Variants in RARB observed in about 807,000 individuals in gnomAD.
The protein encoded by RARB is retinoic acid receptor beta.
Under a neutral mutation model 51.9 loss-of-function variants are expected in RARB, and 17 were observed. The observed-to-expected ratio is 0.33, with a 90% CI of 0.22 to 0.49. The LOEUF (loss-of-function observed/expected upper bound fraction) is 0.49. RARB is among the 20% of genes least tolerant of loss of function. The pLI is 0.99. For synonymous variants in RARB, 215 were observed against 195.4 expected, an observed-to-expected ratio of 1.10 and a Z score of -0.84; for missense variants, 369 against 550.8, an observed-to-expected ratio of 0.67 and a Z score of 3.30.
At chr3:24,845,400 A>G (rs1345293410) in intron 1 of RARB, among the ~76,000 whole-genome samples, 1 of 152,224 alleles carries the variant, frequency 6.6e-6, no homozygotes. Flanking sequence ...GGGACCCAGG[A>G]TAACAAAGGC....
In RARB at chr3:24,886,740, G is replaced by T. The variant is rs958964781; in HGVS notation, c.-380+27988G>T. Among the ~76,000 whole-genome samples the T allele has an allele frequency of 2.6e-5, 4 of 152,038 alleles. No individual in the cohort carries two copies. In the East Asian group the frequency reaches 7.7e-4, roughly 29 times the overall value. Reference sequence around the variant, plus strand: ...CATGACCCACCGCGCCTAACCTGTAGATGAAACTTGATACTCCTAGGGCAA... The same window carrying T: ...CATGACCCACCGCGCCTAACCTGTATATGAAACTTGATACTCCTAGGGCAA... On this transcript the variant is annotated intron_variant, in intron 2 of 11. Transcript: ENST00000383772.
chr3:25,095,520 G>T (rs1699278434), intron 3 of RARB, among the ~76,000 whole-genome samples: 1 of 152,156 alleles, frequency 6.6e-6, no homozygotes, highest in African/African-American at 2.4e-5. Context: ...CCTCCCAACA[G>T]GTTTATGATG....
chr3:25,242,829 T>C (rs1702465587), intron 5 of RARB, among the ~76,000 whole-genome samples: 1 of 152,216 alleles, frequency 6.6e-6, no homozygotes, highest in South Asian at 2.1e-4. Context: ...AAGAAGTTTT[T>C]TCCAATTTTA....
chr3:24,854,856 G>T (rs1375642940), intron 1 of RARB, among the ~76,000 whole-genome samples: 1 of 152,138 alleles, frequency 6.6e-6, no homozygotes, highest in African/African-American at 2.4e-5. Context: ...GTGCCTTATG[G>T]CAAGGCTGCT....
rs1288349774 is a variant in RARB at position 25,392,130 on chromosome 3, C to T, written c.179-69063C>T. Among the ~76,000 whole-genome samples the T allele has an allele frequency of 7.9e-5, 12 of 152,144 alleles. 1 individual carries two copies. Among genetic ancestry groups the T allele is most frequent in the Admixed American group, 7.2e-4 (11 of 15,270 alleles). Reference sequence around the variant, plus strand: ...ATGTGGCTTGCCAATTTTCTTAGCACCATTTGATGAATAGGGTGTCCTTTC... The same window carrying T: ...ATGTGGCTTGCCAATTTTCTTAGCATCATTTGATGAATAGGGTGTCCTTTC... On this transcript the variant is annotated intron_variant, in intron 5 of 11. Coordinates refer to the RARB transcript ENST00000383772.
At chr3:25,196,082 C>A (rs1487200145) in intron 5 of RARB, among the ~76,000 whole-genome samples, 1 of 151,718 alleles carries the variant, frequency 6.6e-6, no homozygotes, top group Non-Finnish European at 1.5e-5. Flanking sequence ...AATTTTTTTA[C>A]TTTTATTCTT....
At chr3:25,353,901 G>A (rs1376484359) in intron 5 of RARB, among the ~76,000 whole-genome samples, 1 of 152,078 alleles carries the variant, frequency 6.6e-6, no homozygotes, top group Non-Finnish European at 1.5e-5. Context: ...TCTAAGGAGA[G>A]AGAACAAGAG....
At chr3:24,986,241 T>C (rs1256253791) in intron 2 of RARB, among the ~76,000 whole-genome samples, 2 of 152,232 alleles carry the variant, frequency 1.3e-5, no homozygotes, top group Non-Finnish European at 2.9e-5. Context: ...TTTAAAATTA[T>C]ACAGAACATG....
intron 1 of RARB, among the ~76,000 whole-genome samples, chr3:24,848,427 A>T (rs1254120956): frequency 6.6e-6 from 1 of 152,196 alleles, no homozygotes; most frequent in Non-Finnish European, 1.5e-5. Flanking sequence ...TTTTTTAAAT[A>T]CAAAGATAGG....
intron 3 of RARB, among the ~76,000 whole-genome samples, chr3:25,552,782 A>G (rs1699901503): frequency 6.6e-6 from 1 of 152,234 alleles, no homozygotes; most frequent in Non-Finnish European, 1.5e-5. Context: ...GTTTACTACA[A>G]AATAATCTTG....
intron 5 of RARB, among the ~76,000 whole-genome samples, chr3:25,204,305 T>A (rs1200143727): frequency 6.6e-6 from 1 of 152,200 alleles, no homozygotes; most frequent in Non-Finnish European, 1.5e-5. Context: ...TCTGCATTGA[T>A]TGTTCTAGTT....
chr3:25,538,965 A>G (rs146787544), intron 3 of RARB, among the ~76,000 whole-genome samples: 214 of 152,354 alleles, frequency 1.4e-3, no homozygotes, highest in African/African-American at 5.0e-3. Flanking sequence ...ATCACAGACA[A>G]GTTGAAGCAA....
At chr3:25,324,720 C>T (rs1704665155) in intron 5 of RARB, 1 of 153,398 alleles carries the variant, frequency 6.5e-6, no homozygotes, top group Admixed American at 6.5e-5. Flanking sequence ...TCCATGCTGC[C>T]CTATTCCTAA....
chr3:25,175,825 T>C (rs1700732992), intron 5 of RARB, among the ~76,000 whole-genome samples: 1 of 152,096 alleles, frequency 6.6e-6, no homozygotes, highest in African/African-American at 2.4e-5. Flanking sequence ...CCTAAAAACC[T>C]CCTCCCATGC....
In RARB at chr3:25,566,819, T is replaced by C. The variant is rs540025216; in HGVS notation, c.449-2939T>C. Among the ~76,000 whole-genome samples the C allele has an allele frequency of 5.3e-5, 8 of 152,330 alleles. No homozygotes were observed. The East Asian group carries it at 1.5e-3, about 29-fold the overall frequency. On this transcript the variant is annotated intron_variant, in intron 3 of 7. Coordinates refer to ENST00000330688, the MANE Select transcript of RARB (RefSeq NM_000965.5). The stretch of plus-strand genomic sequence containing the variant: ...TATGGGGACTCCTTCTGTGGGTTGT[T>C]AGTTTGTTTTGTGGTTTCTCTTTCT...
At chr3:25,512,917 TG>T (rs1315695600) in intron 3 of RARB, among the ~76,000 whole-genome samples, 1 of 151,998 alleles carries the variant, frequency 6.6e-6, no homozygotes, top group African/African-American at 2.4e-5. Flanking sequence ...AGAACAAGTA[TG>T]GAGTTTGGTT....
At chr3:25,227,222 A>G (rs561679666) in intron 5 of RARB, among the ~76,000 whole-genome samples, 2 of 152,324 alleles carry the variant, frequency 1.3e-5, no homozygotes, top group Admixed American at 6.5e-5. Flanking sequence ...TAAATTAATA[A>G]AAGTCTGAAT....
intron 4 of RARB, among the ~76,000 whole-genome samples, chr3:25,157,315 T>A (rs551892903): frequency 2.6e-5 from 4 of 151,406 alleles, no homozygotes; most frequent in Non-Finnish European, 4.4e-5. Flanking sequence ...AATTAGTGCT[T>A]CCTTAGTGCG....
intron 2 of RARB, among the ~76,000 whole-genome samples, chr3:24,877,223 C>G (rs1703063458): frequency 6.6e-6 from 1 of 151,918 alleles, no homozygotes; most frequent in Admixed American, 6.6e-5. Context: ...GATAGTATCT[C>G]ACTTCTGTTT....
Sources: allele counts gnomAD v4.1 joint callset (sites outside exome capture counted in the v4.1 genomes callset), GRCh38; gene constraint gnomAD v4.1.1; transcripts MANE v1.5; gene names NCBI Gene and HGNC (gene_info 2026-07-23, HGNC 2026-07-21).